MYO3B: variants seen among roughly 807,000 people sequenced by gnomAD.
MYO3B encodes the protein myosin-IIIb.
In MYO3B, 156 loss-of-function variants were observed where a neutral mutation model predicts 174.6. That is an observed-to-expected ratio of 0.89 (90% CI 0.78 to 1.02). The LOEUF (loss-of-function observed/expected upper bound fraction) is 1.02, where lower values mean the gene tolerates loss of function less well. MYO3B is among the 50% of genes least tolerant of loss of function. The pLI is 0.00. For synonymous variants in MYO3B, 563 were observed against 569.1 expected (o/e 0.99, Z 0.15); for missense variants, 1,632 against 1,639.4 (o/e 1.00, Z 0.08).
At chr2:170,401,750 T>C in intron 18 of MYO3B, 59 bp downstream of exon 18, 1 of 1,504,056 alleles carries the variant, frequency 6.6e-7, no homozygotes, top group Non-Finnish European at 9.1e-7. Context: ...CGCCGTCTCT[T>C]AGAGTTTGCA....
intron 8 of MYO3B, chr2:170,344,297 C>G (rs2105573151): frequency 6.6e-6 from 1 of 152,372 alleles, no homozygotes; most frequent in South Asian, 2.1e-4. Context: ...GAAACCCCGT[C>G]TCTACTAAGA....
At chr2:170,282,776 T>C (rs1300045766) in intron 7 of MYO3B, among the ~76,000 whole-genome samples, 1 of 152,002 alleles carries the variant, frequency 6.6e-6, no homozygotes, top group African/African-American at 2.4e-5. Flanking sequence ...AGCAGTGCAG[T>C]GAGTGGGGAA....
intron 25 of MYO3B, 28 bp from the exon 26 acceptor site, chr2:170,498,564 G>A: frequency 2.7e-6 from 4 of 1,509,220 alleles, no homozygotes; most frequent in Non-Finnish European, 3.7e-6. Flanking sequence ...TGACTGAAAA[G>A]GCTTCACTTA....
chr2:170,374,758 TACACACACACACACAC>T (rs201921789), intron 9 of MYO3B, among the ~76,000 whole-genome samples: 11 of 140,066 alleles, frequency 7.9e-5, no homozygotes, highest in African/African-American at 1.7e-4. Flanking sequence ...TATGCATACA[TACACACACACACACAC>T]ACACACACAC....
intron 7 of MYO3B, among the ~76,000 whole-genome samples, chr2:170,280,221 G>A (rs1203261043): frequency 6.6e-6 from 1 of 152,078 alleles, no homozygotes; most frequent in Admixed American, 6.5e-5. Context: ...CAGTGATGTT[G>A]AGCTTTTTTT....
chr2:170,197,190 C>T (rs1249672184), intron 1 of MYO3B, among the ~76,000 whole-genome samples: 3 of 152,028 alleles, frequency 2.0e-5, no homozygotes, highest in Admixed American at 6.6e-5. Flanking sequence ...CACTCCCACC[C>T]GTTTCTTCAA....
chr2:170,620,639 C>G (rs534438325), intron 32 of MYO3B, among the ~76,000 whole-genome samples: 70 of 152,324 alleles, frequency 4.6e-4, no homozygotes, highest in African/African-American at 1.7e-3. Context: ...CCATTGGTTA[C>G]CCTTGTCCCC....
chr2:170,220,353 G>A (rs1365814980), intron 6 of MYO3B, among the ~76,000 whole-genome samples: 1 of 151,830 alleles, frequency 6.6e-6, no homozygotes, highest in Non-Finnish European at 1.5e-5. Context: ...AGTGTTGACC[G>A]GGAGCGGTGG....
At chr2:170,628,195 C>T (rs1006845100) in intron 32 of MYO3B, among the ~76,000 whole-genome samples, 1 of 152,224 alleles carries the variant, frequency 6.6e-6, no homozygotes, top group Non-Finnish European at 1.5e-5. Flanking sequence ...TGGGCTCCAC[C>T]CAGTTCGAGC....
chr2:170,651,683 G>T lies in MYO3B; in HGVS notation c.3789G>T (p.Gln1263His). 1 of 1,614,080 alleles carries T rather than the reference G, an allele frequency of 6.2e-7. No individual in the cohort carries two copies. Among genetic ancestry groups the T allele is most frequent in the Non-Finnish European group, 8.5e-7 (1 of 1,179,994 alleles). ...GAACACCTCGCCGACGATGTCAGCA[G>T]CCCAAAATGCTGAGTAGCCCTGAGG... ...KHRTPRRRCQ[Q>H]PKMLSSPEDT... is the part of the protein sequence containing the mutation. The change falls in exon 33 of 35, where the codon CAG (glutamine) becomes CAT (histidine). Residue 1263 changes from glutamine to histidine, a missense_variant. Physicochemically the swap from Gln to His is conservative, Grantham distance 24. Coordinates refer to ENST00000408978, the MANE Select transcript of MYO3B (RefSeq NM_138995.5).
In MYO3B at chr2:170,655,070, G is replaced by A. The variant is rs1358508366; in HGVS notation, c.*1949G>A. On this transcript the variant is annotated 3_prime_UTR_variant, in exon 35 of 35. Coordinates refer to ENST00000408978, the MANE Select transcript of MYO3B (RefSeq NM_138995.5). ...GCTTTTCAAATTGTTGAATGGAAAT[G>A]TTCATAACTCCCTGCTTGTCCGTGC... is the stretch of plus-strand genomic sequence containing the variant. 2.6e-5 allele frequency: 4 copies of A among 152,144 alleles called. No individual in the cohort carries two copies. Among genetic ancestry groups the A allele is most frequent in the African/African-American group, 9.7e-5 (4 of 41,432 alleles). The allele number at this position is 152,144 out of a possible 1,614,324, so 9.4% of individuals were successfully genotyped here.
At chr2:170,464,344 C>CAAA (rs55671996) in intron 24 of MYO3B, among the ~76,000 whole-genome samples, 2 of 98,222 alleles carry the variant, frequency 2.0e-5, no homozygotes, top group African/African-American at 7.8e-5. Flanking sequence ...GACTCCCTCT[C>CAAA]AAAAAAAAAA....
At position 170,489,668 on chromosome 2, in the gene MYO3B, TCTGGGTAA is replaced by T. The variant is rs1277394127; in HGVS notation, c.3015-8923_3015-8916del. 7.4e-3 allele frequency among the ~76,000 whole-genome samples: 1,073 copies of T among 145,884 alleles called. 14 individuals are homozygous for T. The highest frequency in any genetic ancestry group is 0.027 in the African/African-American group (1,017 of 38,326). ...GTGTGTGTGTGTGTGTGTGTGTGTG[TCTGGGTAA>T]GTGTGGGTAAGTGTGGGTAAGTGTG... On this transcript the variant is annotated intron_variant, in intron 25 of 34. Transcript: ENST00000408978.
intron 32 of MYO3B, among the ~76,000 whole-genome samples, chr2:170,631,681 G>A (rs903935063): frequency 6.6e-6 from 1 of 152,082 alleles, no homozygotes; most frequent in Admixed American, 6.6e-5. Context: ...ACAAAGGGAA[G>A]CCCATCAGAC....
intron 23 of MYO3B, among the ~76,000 whole-genome samples, chr2:170,460,098 C>A (rs2105949518): frequency 6.6e-6 from 1 of 152,288 alleles, no homozygotes; most frequent in Non-Finnish European, 1.5e-5. Context: ...CTGAAGGGCT[C>A]CTCAAGCGTG....
At chr2:170,462,719 T>C (rs1684370126) in intron 23 of MYO3B, among the ~76,000 whole-genome samples, 1 of 152,278 alleles carries the variant, frequency 6.6e-6, no homozygotes, top group Non-Finnish European at 1.5e-5. Context: ...GTTGTTGCAT[T>C]ATAATAATGG....
intron 29 of MYO3B, among the ~76,000 whole-genome samples, chr2:170,517,581 G>A (rs572012927): frequency 5.9e-5 from 9 of 152,254 alleles, no homozygotes; most frequent in African/African-American, 2.2e-4. Context: ...CTTTCCACAA[G>A]GGCAATATCA....
intron 7 of MYO3B, among the ~76,000 whole-genome samples, chr2:170,296,210 G>A (rs2093627832): frequency 6.6e-6 from 1 of 152,176 alleles, no homozygotes; most frequent in Non-Finnish European, 1.5e-5. Flanking sequence ...GCAGAGTGAT[G>A]GATCATGCGC....
chr2:170,405,658 G>A, intron 21 of MYO3B, 25 bp downstream of exon 21: 2 of 1,607,340 alleles, frequency 1.2e-6, no homozygotes, highest in Non-Finnish European at 1.7e-6. Context: ...ACAGTTATTA[G>A]ACCTGAATTT....
Sources: gnomAD v4.1 joint callset for allele counts (sites outside exome capture counted in the v4.1 genomes callset) on GRCh38, gnomAD v4.1.1 for gene constraint, MANE v1.5 for transcripts, NCBI Gene and HGNC (gene_info 2026-07-23, HGNC 2026-07-21) for gene names.